Variants in PDE4D observed in about 807,000 individuals in gnomAD.
PDE4D encodes the protein phosphodiesterase 4D.
In PDE4D, 24 loss-of-function variants were observed where a neutral mutation model predicts 87.4. The ratio of observed to expected loss-of-function variants is 0.27; its 90% confidence interval spans 0.20 to 0.39. PDE4D has a LOEUF of 0.39. Among genes scored for constraint, PDE4D ranks in the 10% least tolerant of loss-of-function variants. PDE4D has a pLI of 1.00. For missense variants in PDE4D, 714 were observed against 1,041.0 expected (o/e 0.69, Z 4.32); for synonymous variants, 384 against 383.2 (o/e 1.00, Z -0.02).
intron 5 of PDE4D, among the ~76,000 whole-genome samples, chr5:59,164,523 A>G (rs1781603800): frequency 6.6e-6 from 1 of 152,214 alleles, no homozygotes; most frequent in Admixed American, 6.5e-5. Flanking sequence ...ATGAGAAATC[A>G]AGGCTCAGAG....
At chr5:59,062,394 T>G (rs1213221991) in intron 5 of PDE4D, among the ~76,000 whole-genome samples, 1 of 152,146 alleles carries the variant, frequency 6.6e-6, no homozygotes, top group East Asian at 1.9e-4. Context: ...ATCCCTCAAC[T>G]AATAGTTGAG....
At position 60,147,825 on chromosome 5, in the gene PDE4D, T is replaced by C. The variant is rs551269981; in HGVS notation, c.42+37732A>G. ...TATTTTACCATGTGGCCTTCTTCCA[T>C]AGGCTGCTTGAGTGTCTTTGTGAGT... On this transcript the variant is annotated intron_variant, in intron 2 of 16. Coordinates refer to the PDE4D transcript ENST00000502484. The C allele has an allele frequency of 2.0e-5, 9 of 455,046 alleles. 1 individual carries two copies. In the East Asian group the frequency reaches 2.8e-4, roughly 14 times the overall value. The allele number at this position is 455,046 out of a possible 1,614,324, so 28.2% of individuals were successfully genotyped here. A position where few individuals can be genotyped will look rare whatever the true frequency, so the allele number is the denominator to read the frequency against.
intron 2 of PDE4D, among the ~76,000 whole-genome samples, chr5:60,039,567 C>T (rs1468493796): frequency 1.3e-5 from 2 of 150,004 alleles, no homozygotes; most frequent in Admixed American, 6.7e-5. Flanking sequence ...CACATGTACC[C>T]TAAAACTTAA....
At chr5:59,140,561 T>C (rs79009642) in intron 5 of PDE4D, among the ~76,000 whole-genome samples, 3,287 of 152,090 alleles carry the variant, frequency 0.022, 114 homozygotes, top group African/African-American at 0.074. Flanking sequence ...AATCAGAGAG[T>C]GTTGAAGTTC....
At chr5:59,361,382 G>A (rs1782200564) in intron 1 of PDE4D, among the ~76,000 whole-genome samples, 1 of 152,142 alleles carries the variant, frequency 6.6e-6, no homozygotes, top group Non-Finnish European at 1.5e-5. Flanking sequence ...TCTAACAAGT[G>A]TGTAAAAGTC....
chr5:60,182,681 A>G (rs1298186262), intron 2 of PDE4D, among the ~76,000 whole-genome samples: 5 of 152,096 alleles, frequency 3.3e-5, no homozygotes, highest in Admixed American at 2.0e-4. Context: ...GATTGAGACC[A>G]TCCTGGCTAA....
chr5:60,122,579 G>T (rs1231681114), intron 2 of PDE4D, among the ~76,000 whole-genome samples: 1 of 152,170 alleles, frequency 6.6e-6, no homozygotes, highest in Admixed American at 6.5e-5. Context: ...CTGGGATGCA[G>T]GGCACCTGGT....
chr5:59,219,558 T>C (rs1752009076), intron 1 of PDE4D, among the ~76,000 whole-genome samples: 1 of 152,144 alleles, frequency 6.6e-6, no homozygotes. Context: ...AGTCATTGAA[T>C]AAACTTTTAC....
At chr5:58,985,048 T>TACAG (rs1561234658) in intron 11 of PDE4D, among the ~76,000 whole-genome samples, 1 of 152,150 alleles carries the variant, frequency 6.6e-6, no homozygotes, top group Non-Finnish European at 1.5e-5. Flanking sequence ...TGGCTGGGAA[T>TACAG]ACAGGCATGC....
At chr5:59,559,473 T>G (rs1040854621) in intron 1 of PDE4D, among the ~76,000 whole-genome samples, 4 of 152,174 alleles carry the variant, frequency 2.6e-5, no homozygotes, top group South Asian at 4.1e-4. Flanking sequence ...ATTAAATGTT[T>G]GTTTTGGAGA....
chr5:59,227,122 T>C (rs1025183918), intron 1 of PDE4D, among the ~76,000 whole-genome samples: 3 of 152,184 alleles, frequency 2.0e-5, no homozygotes, highest in Non-Finnish European at 4.4e-5. Flanking sequence ...TACCAATCTT[T>C]CACTTTCTAA....
intron 1 of PDE4D, among the ~76,000 whole-genome samples, chr5:59,651,570 C>G (rs1052300611): frequency 1.3e-5 from 2 of 151,812 alleles, no homozygotes; most frequent in Admixed American, 6.6e-5. Context: ...TGAAACTTTT[C>G]CGTGGAAAAT....
intron 1 of PDE4D, chr5:59,430,337 A>T: frequency 8.1e-7 from 1 of 1,231,294 alleles, no homozygotes; most frequent in Non-Finnish European, 1.0e-6. Context: ...TTGATCGCGT[A>T]TGGTGATCCA....
At chr5:59,565,538 C>G (rs531381162) in intron 1 of PDE4D, among the ~76,000 whole-genome samples, 1 of 152,148 alleles carries the variant, frequency 6.6e-6, no homozygotes, top group South Asian at 2.1e-4. Flanking sequence ...TCTAAAACAA[C>G]AACCAAAAAA....
intron 1 of PDE4D, among the ~76,000 whole-genome samples, chr5:59,552,004 C>G (rs886938180): frequency 6.6e-6 from 1 of 152,012 alleles, no homozygotes; most frequent in East Asian, 1.9e-4. Context: ...TTGCTTGAGC[C>G]CAGGAGTTTG....
chr5:59,851,253 T>C (rs565564378), intron 1 of PDE4D, among the ~76,000 whole-genome samples: 2 of 152,170 alleles, frequency 1.3e-5, no homozygotes, highest in South Asian at 2.1e-4. Context: ...TTTATATTTC[T>C]ATCACCCTGA....
At chr5:59,546,310 G>C (rs952699917) in intron 1 of PDE4D, among the ~76,000 whole-genome samples, 4 of 152,076 alleles carry the variant, frequency 2.6e-5, no homozygotes, top group Admixed American at 1.3e-4. Flanking sequence ...GACCCACAAA[G>C]CCAAAAGTGC....
At chr5:60,493,918 G>A (rs1749674361) in intron 1 of PDE4D, among the ~76,000 whole-genome samples, 1 of 152,142 alleles carries the variant, frequency 6.6e-6, no homozygotes, top group South Asian at 2.1e-4. Context: ...ATTAGCACTA[G>A]AGGACAAACG....
In PDE4D at chr5:59,762,771, G is replaced by GTA. The variant is rs763849094; in HGVS notation, c.455+130395_455+130396dup. ...TATAGGTACATATATGCATATATAT[G>GTA]TATATATACACACACATATTTTATA... On this transcript the variant is annotated intron_variant, in intron 1 of 14. Transcript: ENST00000340635. 1.4e-3 allele frequency among the ~76,000 whole-genome samples: 196 copies of GTA among 137,638 alleles called. 6 individuals carry two copies. The highest frequency in any genetic ancestry group is 4.1e-3 in the Middle Eastern group (1 of 246). 90.3% of individuals were successfully genotyped at this position (137,638 alleles called of 152,430 possible).
Sources: gnomAD v4.1 joint callset for allele counts (sites outside exome capture counted in the v4.1 genomes callset) on GRCh38, gnomAD v4.1.1 for gene constraint, MANE v1.5 for transcripts, NCBI Gene and HGNC (gene_info 2026-07-23, HGNC 2026-07-21) for gene names.